TRHDE: variants seen among roughly 807,000 people sequenced by gnomAD.
TRHDE encodes thyrotropin releasing hormone degrading enzyme, also known as thyrotropin-releasing hormone-degrading ectoenzyme.
A neutral mutation model predicts 125.7 loss-of-function variants in TRHDE; 72 were observed. The ratio of observed to expected loss-of-function variants is 0.57; its 90% confidence interval spans 0.47 to 0.70. The LOEUF (loss-of-function observed/expected upper bound fraction) is 0.70, where lower values mean the gene tolerates loss of function less well. TRHDE is among the 30% of genes least tolerant of loss of function. TRHDE has a pLI of 0.00. For synonymous variants in TRHDE, 509 were observed against 509.1 expected (o/e 1.00, Z 0.00); for missense variants, 1,110 against 1,327.1 (o/e 0.84, Z 2.54).
chr12:72,332,235 T>A (rs1869633660), intron 2 of TRHDE, among the ~76,000 whole-genome samples: 1 of 151,890 alleles, frequency 6.6e-6, no homozygotes, highest in African/African-American at 2.4e-5. Flanking sequence ...ACCTCCCGGG[T>A]TCACGCCATT....
At chr12:72,164,690 G>T (rs1193089912) in intron 2 of TRHDE, among the ~76,000 whole-genome samples, 1 of 152,172 alleles carries the variant, frequency 6.6e-6, no homozygotes, top group East Asian at 1.9e-4. Context: ...CAGGAAAACT[G>T]CCACTGCTTG....
At chr12:72,170,911 G>A (rs1876858866) in intron 2 of TRHDE, among the ~76,000 whole-genome samples, 1 of 152,154 alleles carries the variant, frequency 6.6e-6, no homozygotes, top group African/African-American at 2.4e-5. Context: ...TGGAGACAGG[G>A]TGTTATAATA....
intron 2 of TRHDE, among the ~76,000 whole-genome samples, chr12:72,361,436 G>A (rs765637971): frequency 1.1e-4 from 17 of 151,554 alleles, no homozygotes; most frequent in Non-Finnish European, 1.9e-4. Context: ...AAGTGTAAAA[G>A]ATAAAAAATA....
intron 2 of TRHDE, among the ~76,000 whole-genome samples, chr12:72,314,070 G>A (rs1276553246): frequency 6.6e-6 from 1 of 152,120 alleles, no homozygotes; most frequent in East Asian, 1.9e-4. Context: ...TGACCCAGGG[G>A]TCTCATGTCT....
chr12:72,301,636 A>G (rs149349977), intron 2 of TRHDE, among the ~76,000 whole-genome samples: 1 of 152,316 alleles, frequency 6.6e-6, no homozygotes, highest in Non-Finnish European at 1.5e-5. Context: ...AGATTTGTGT[A>G]TTCTCCTATA....
intron 2 of TRHDE, among the ~76,000 whole-genome samples, chr12:72,223,036 C>G (rs1285839301): frequency 6.6e-6 from 1 of 152,012 alleles, no homozygotes; most frequent in Non-Finnish European, 1.5e-5. Context: ...GTGATGGGCC[C>G]TATATGACAA....
chr12:72,131,238 A>AT (rs950707286), intron 2 of TRHDE, among the ~76,000 whole-genome samples: 3 of 150,874 alleles, frequency 2.0e-5, no homozygotes, highest in African/African-American at 2.4e-5. Context: ...CGCCCGGCTA[A>AT]TTTTTTTGTA....
At chr12:72,338,910 G>T (rs1028045466) in intron 2 of TRHDE, among the ~76,000 whole-genome samples, 1 of 152,072 alleles carries the variant, frequency 6.6e-6, no homozygotes, top group Non-Finnish European at 1.5e-5. Flanking sequence ...GCCTTTAAAC[G>T]CTTTCTCTTT....
intron 2 of TRHDE, among the ~76,000 whole-genome samples, chr12:72,161,651 T>C (rs1305305726): frequency 6.6e-6 from 1 of 152,192 alleles, no homozygotes; most frequent in Non-Finnish European, 1.5e-5. Context: ...CTGGAACTTT[T>C]GTACTGGAAG....
chr12:72,599,574 T>A (rs953508180), intron 12 of TRHDE, among the ~76,000 whole-genome samples: 3 of 152,156 alleles, frequency 2.0e-5, no homozygotes, highest in Admixed American at 2.0e-4. Flanking sequence ...TTATTTGGTT[T>A]TTGCTTAACT....
At chr12:72,142,589 T>C (rs1280675857) in intron 2 of TRHDE, among the ~76,000 whole-genome samples, 1 of 152,146 alleles carries the variant, frequency 6.6e-6, no homozygotes, top group East Asian at 1.9e-4. Flanking sequence ...TGGGTACCCG[T>C]GGCACTAAAT....
At chr12:72,234,797 C>G (rs753129671) in intron 2 of TRHDE, among the ~76,000 whole-genome samples, 2 of 152,122 alleles carry the variant, frequency 1.3e-5, no homozygotes, top group Admixed American at 6.6e-5. Context: ...GTAAACAACA[C>G]TTGAAGTTAA....
intron 3 of TRHDE, among the ~76,000 whole-genome samples, chr12:72,389,421 C>T (rs1872545791): frequency 6.6e-6 from 1 of 152,146 alleles, no homozygotes; most frequent in Non-Finnish European, 1.5e-5. Flanking sequence ...TCACTTTGAG[C>T]AGAGGTATTG....
At chr12:72,117,612 A>T (rs1165687992) in intron 2 of TRHDE, among the ~76,000 whole-genome samples, 1 of 152,122 alleles carries the variant, frequency 6.6e-6, no homozygotes, top group Admixed American at 6.6e-5. Flanking sequence ...ATTTCTGTGA[A>T]GAATGTCATT....
intron 15 of TRHDE, among the ~76,000 whole-genome samples, chr12:72,638,666 T>C (rs1342808792): frequency 2.0e-5 from 3 of 152,182 alleles, no homozygotes; most frequent in Non-Finnish European, 4.4e-5. Context: ...CCATGTTTAG[T>C]GCTTCCTTCA....
intron 15 of TRHDE, among the ~76,000 whole-genome samples, chr12:72,637,737 A>T (rs755107403): frequency 6.6e-6 from 1 of 152,138 alleles, no homozygotes; most frequent in African/African-American, 2.4e-5. Context: ...GAACACCTTT[A>T]TTTCTGCCTT....
rs1240219145 is a variant in TRHDE, at chr12:72,485,481, C to A, written c.1584+12301C>A. On this transcript the variant is annotated intron_variant, in intron 5 of 18. Transcript: ENST00000261180. ...GAGCTGAGCTGAAGTAGCACTCCAG[C>A]CCCTGGGGACCTCAGGCCTCCTGCA... Among the ~76,000 whole-genome samples the A allele has an allele frequency of 3.9e-5, 6 of 152,152 alleles. No homozygotes were observed. The East Asian group carries it at 7.7e-4, about 20-fold the overall frequency.
chr12:72,239,231 ATTT>A (rs139030112), intron 2 of TRHDE, among the ~76,000 whole-genome samples: 55,501 of 148,328 alleles, frequency 0.37, 11,048 homozygotes, highest in Non-Finnish European at 0.46. Context: ...CCACTTTTTG[ATTT>A]TTTTTTTTTT....
At chr12:72,497,048 T>C (rs1398749596) in intron 5 of TRHDE, among the ~76,000 whole-genome samples, 1 of 152,162 alleles carries the variant, frequency 6.6e-6, no homozygotes, top group African/African-American at 2.4e-5. Context: ...TTTTTCTTTG[T>C]TCCCCCTCTC....
Sources: gnomAD v4.1 joint callset for allele counts (sites outside exome capture counted in the v4.1 genomes callset) on GRCh38, gnomAD v4.1.1 for gene constraint, MANE v1.5 for transcripts, NCBI Gene and HGNC (gene_info 2026-07-23, HGNC 2026-07-21) for gene names.